Variants in CA13 observed in about 807,000 individuals in gnomAD.
The protein encoded by CA13 is carbonic anhydrase 13, also known as CA-XIII.
In CA13, 21 loss-of-function variants were observed where a neutral mutation model predicts 31.5. The observed-to-expected ratio is 0.67, with a 90% CI of 0.47 to 0.96. The LOEUF is 0.96. CA13 is among the 40% of genes least tolerant of loss of function. CA13 has a pLI of 0.00. For synonymous variants in CA13, 117 were observed against 111.4 expected, an observed-to-expected ratio of 1.05 and a Z score of -0.32; for missense variants, 315 against 318.9, an observed-to-expected ratio of 0.99 and a Z score of 0.09.
intron 3 of CA13, among the ~76,000 whole-genome samples, chr8:85,262,784 AGGCT>A (rs1203045450): frequency 6.6e-6 from 1 of 152,140 alleles, no homozygotes; most frequent in Non-Finnish European, 1.5e-5. Context: ...GTGCAGGTAG[AGGCT>A]GGCTGGCTGG....
chr8:85,252,249 CT>C lies in CA13; in HGVS notation c.235+1313del, dbSNP rs1318723372. 5.6e-4 allele frequency among the ~76,000 whole-genome samples: 85 copies of C among 151,942 alleles called. No homozygotes were observed. In the Middle Eastern group the frequency reaches 0.01, roughly 19 times the overall value. On this transcript the variant is annotated intron_variant, in intron 2 of 6. Transcript: ENST00000321764. ...TCAGCCTGGGTGACAGAGCAAGATCCTGTCTCAAAAGATAAAAATAAAAGTA... is the reference window on the plus strand; with the variant it reads ...TCAGCCTGGGTGACAGAGCAAGATCCGTCTCAAAAGATAAAAATAAAAGTA...
At chr8:85,257,846 G>A (rs1385009350) in intron 2 of CA13, among the ~76,000 whole-genome samples, 4 of 146,716 alleles carry the variant, frequency 2.7e-5, no homozygotes, top group East Asian at 4.0e-4. Context: ...TGGCCAGGCT[G>A]GTCTCAAACT....
At chr8:85,259,732 C>G (rs985578296) in intron 3 of CA13, among the ~76,000 whole-genome samples, 193 bp downstream of exon 3, 6 of 152,172 alleles carry the variant, frequency 3.9e-5, no homozygotes, top group Non-Finnish European at 8.8e-5. Context: ...AAGCGTTAAA[C>G]CAACCCTGAG....
intron 1 of CA13, among the ~76,000 whole-genome samples, chr8:85,250,262 A>G (rs1813804159): frequency 6.6e-6 from 1 of 151,314 alleles, no homozygotes; most frequent in Admixed American, 6.6e-5. Context: ...ATTGAGTGAT[A>G]GAAGGAAGAA....
intron 3 of CA13, among the ~76,000 whole-genome samples, chr8:85,261,703 G>A (rs1807382667): frequency 6.6e-6 from 1 of 152,124 alleles, no homozygotes; most frequent in African/African-American, 2.4e-5. Flanking sequence ...TAGGATTACA[G>A]GCGTGAGCCA....
Position 85,245,747 on chromosome 8 carries a change from G to C in CA13, c.-82G>C, listed in dbSNP as rs1010738768. 8.5e-6 allele frequency: 13 copies of C among 1,526,218 alleles called. No homozygotes were observed. In the African/African-American group the frequency reaches 1.6e-4, roughly 19 times the overall value. 94.5% of individuals were successfully genotyped at this position (1,526,218 alleles called of 1,614,324 possible). ...GCGCCCCGCGGTCCCGCCCTAGCAG[G>C]CTCCTTCCCGGGCCCCTCCCCGCTC... On this transcript the variant is annotated 5_prime_UTR_variant, in exon 1 of 7. Coordinates refer to ENST00000321764, the MANE Select transcript of CA13 (RefSeq NM_198584.3).
chr8:85,247,260 T>C (rs748190406), intron 1 of CA13, among the ~76,000 whole-genome samples: 5 of 152,160 alleles, frequency 3.3e-5, no homozygotes, highest in South Asian at 4.1e-4. Flanking sequence ...GCCTTTATGG[T>C]AGTTAGGAAG....
In CA13 at chr8:85,245,525, A is replaced by G; in HGVS notation, c.-304A>G. 1 of 408,662 alleles carries G rather than the reference A, an allele frequency of 2.4e-6. No homozygotes were observed. The highest frequency in any genetic ancestry group is 4.4e-6 in the Non-Finnish European group (1 of 227,184). The allele number at this position is 408,662 out of a possible 1,614,324, so 25.3% of individuals were successfully genotyped here. A position where few individuals can be genotyped will look rare whatever the true frequency, so the allele number is the denominator to read the frequency against. ...GAGTGACGACTCCTCAGAAGGCAGGAGATCCCCCCCGGAAACCTTTCTCTC... is the reference window on the plus strand; with the variant it reads ...GAGTGACGACTCCTCAGAAGGCAGGGGATCCCCCCCGGAAACCTTTCTCTC... On this transcript the variant is annotated 5_prime_UTR_variant, in exon 1 of 7. Transcript: ENST00000321764.
intron 4 of CA13, chr8:85,267,094 T>C: frequency 3.7e-6 from 1 of 272,042 alleles, no homozygotes; most frequent in Non-Finnish European, 5.7e-6. Flanking sequence ...TGCTCACTGG[T>C]TTTTAAAAAA....
At chr8:85,267,293 A>G in intron 4 of CA13, 1 of 985,920 alleles carries the variant, frequency 1.0e-6, no homozygotes, top group Non-Finnish European at 1.2e-6. Context: ...GATGGCAACA[A>G]TTCCTTGCCT....
intron 2 of CA13, among the ~76,000 whole-genome samples, chr8:85,255,003 A>G (rs1393803717): frequency 6.6e-6 from 1 of 152,120 alleles, no homozygotes; most frequent in East Asian, 1.9e-4. Context: ...GGACACATCC[A>G]TGCTCCATAG....
intron 3 of CA13, among the ~76,000 whole-genome samples, chr8:85,261,937 C>G (rs1807385751): frequency 6.6e-6 from 1 of 151,966 alleles, no homozygotes. Context: ...CTTTGACCTC[C>G]TGGGTTCAAG....
Position 85,282,267 on chromosome 8 carries a change from A to G in CA13, c.*918A>G, listed in dbSNP as rs915347473. On this transcript the variant is annotated 3_prime_UTR_variant, in exon 7 of 7. Coordinates refer to ENST00000321764, the MANE Select transcript of CA13 (RefSeq NM_198584.3). ...CTCCTCCACTGATCAAAAATATTCC[A>G]TATAGTCTTGGTGAGGAATTCCCCA... 3 of 152,680 alleles carry G rather than the reference A, an allele frequency of 2.0e-5. No homozygotes were observed. Among genetic ancestry groups the G allele is most frequent in the Non-Finnish European group, 4.4e-5 (3 of 68,046 alleles). The allele number at this position is 152,680 out of a possible 1,614,324, so 9.5% of individuals were successfully genotyped here. A position where few individuals can be genotyped will look rare whatever the true frequency, so the allele number is the denominator to read the frequency against.
intron 1 of CA13, chr8:85,246,703 T>C (rs960612488): frequency 5.9e-6 from 2 of 341,406 alleles, no homozygotes; most frequent in Admixed American, 3.9e-5. Flanking sequence ...ATAATAATTA[T>C]TTGAAATAAT....
Position 85,281,614 on chromosome 8 carries a change from G to A in CA13, c.*265G>A, listed in dbSNP as rs1807709340. 1.7e-6 allele frequency: 1 copy of A among 600,836 alleles called. No individual in the cohort carries two copies. The allele number at this position is 600,836 out of a possible 1,614,324, so 37.2% of individuals were successfully genotyped here. ...TGCAGCCTCCAACTCCTGGACTCAA[G>A]TGATCCTCCCACCTCAGCCTCCAGA... is the stretch of plus-strand genomic sequence containing the variant. On this transcript the variant is annotated 3_prime_UTR_variant, in exon 7 of 7. Coordinates refer to ENST00000321764, the MANE Select transcript of CA13 (RefSeq NM_198584.3).
chr8:85,273,848 T>TG (rs1370419606), intron 6 of CA13, among the ~76,000 whole-genome samples: 2 of 151,942 alleles, frequency 1.3e-5, no homozygotes, highest in African/African-American at 4.8e-5. Flanking sequence ...AACACGCTGT[T>TG]TTAACGAGTG....
intron 6 of CA13, among the ~76,000 whole-genome samples, chr8:85,277,319 G>A (rs1298004798): frequency 4.0e-5 from 6 of 151,454 alleles, no homozygotes; most frequent in Non-Finnish European, 8.8e-5. Context: ...CGGGAGGAGC[G>A]AACAACTCCA....
At chr8:85,273,226 T>C in intron 6 of CA13, among the ~76,000 whole-genome samples, 1 of 152,242 alleles carries the variant, frequency 6.6e-6, no homozygotes, top group East Asian at 1.9e-4. Flanking sequence ...CATTTGGCAT[T>C]GTCAGTTTTT....
chr8:85,247,903 T>C (rs1236167502), intron 1 of CA13, among the ~76,000 whole-genome samples: 5 of 95,756 alleles, frequency 5.2e-5, no homozygotes, highest in Non-Finnish European at 8.3e-5. Flanking sequence ...TTTTTTTTTT[T>C]TCTGTTTAAA....
Sources: allele counts gnomAD v4.1 joint callset (sites outside exome capture counted in the v4.1 genomes callset), GRCh38; gene constraint gnomAD v4.1.1; transcripts MANE v1.5; gene names NCBI Gene and HGNC (gene_info 2026-07-23, HGNC 2026-07-21).